The following MLLT3 variants were observed in gnomAD, a reference collection of about 807,000 sequenced individuals.
MLLT3 encodes the protein MLLT3 super elongation complex subunit.
A neutral mutation model predicts 53.2 loss-of-function variants in MLLT3; 4 were observed. That is an observed-to-expected ratio of 0.08 (90% CI 0.04 to 0.17). MLLT3 has a LOEUF of 0.17. Among genes scored for constraint, MLLT3 ranks in the 10% least tolerant of loss-of-function variants. MLLT3 has a pLI of 1.00. For missense variants in MLLT3, 569 were observed against 684.0 expected (o/e 0.83, Z 1.87); for synonymous variants, 283 against 230.6 (o/e 1.23, Z -2.06).
In MLLT3 at chr9:20,516,006, A is replaced by AT. The variant is rs1346914078; in HGVS notation, c.194-59221dup. On this transcript the variant is annotated intron_variant, in intron 2 of 10. Coordinates refer to ENST00000380338, the MANE Select transcript of MLLT3 (RefSeq NM_004529.4). ...ATGTTATATTGTGTGCCATGGGAGC[A>AT]TAACACCTAATGACAAAAAAATAAA... 2.0e-5 allele frequency among the ~76,000 whole-genome samples: 3 copies of AT among 152,368 alleles called. No individual in the cohort carries two copies. In the East Asian group the frequency reaches 5.8e-4, roughly 29 times the overall value.
rs1256049432 is a variant in MLLT3 at position 20,346,005 on chromosome 9, C to T, written c.*438G>A. The T allele has an allele frequency of 4.2e-6, 1 of 235,480 alleles. No homozygotes were observed. Among genetic ancestry groups the T allele is most frequent in the Non-Finnish European group, 8.4e-6 (1 of 119,060 alleles). The allele number at this position is 235,480 out of a possible 1,614,324, so 14.6% of individuals were successfully genotyped here. ...ATAATGTCTGATGGTGTCATTCCCT[C>T]AACGACTTAGAATATCTGTATGCGA... On this transcript the variant is annotated 3_prime_UTR_variant, in exon 11 of 11. Coordinates refer to ENST00000380338, the MANE Select transcript of MLLT3 (RefSeq NM_004529.4).
chr9:20,525,927 C>A (rs1460128460), intron 2 of MLLT3, among the ~76,000 whole-genome samples: 1 of 151,880 alleles, frequency 6.6e-6, no homozygotes, highest in African/African-American at 2.4e-5. Flanking sequence ...GTACTGAGAC[C>A]AAAAAAGCAA....
intron 9 of MLLT3, among the ~76,000 whole-genome samples, chr9:20,354,060 G>A (rs1821103065): frequency 6.6e-6 from 1 of 152,128 alleles, no homozygotes; most frequent in Non-Finnish European, 1.5e-5. Flanking sequence ...GGGGAATTTT[G>A]TGGGGTTTTT....
Position 20,622,434 on chromosome 9 carries a change from A to T in MLLT3, c.-178T>A. 1.7e-6 allele frequency: 1 copy of T among 583,504 alleles called. No individual in the cohort carries two copies. The highest frequency in any genetic ancestry group is 3.2e-5 in the East Asian group (1 of 31,038). The allele number at this position is 583,504 out of a possible 1,614,324, so 36.1% of individuals were successfully genotyped here. ...CGCTCGCTTGCTCGCTCGCTCGCTT[A>T]TTAAACTCAGCCCCAAAAGCAAAAG... On this transcript the variant is annotated 5_prime_UTR_variant, in exon 1 of 11. Transcript: ENST00000380338.
At chr9:20,566,022 A>T (rs1409928383) in intron 2 of MLLT3, among the ~76,000 whole-genome samples, 2 of 126,714 alleles carry the variant, frequency 1.6e-5, no homozygotes, top group Non-Finnish European at 3.3e-5. Flanking sequence ...TTTTATATAT[A>T]TTTATTTATA....
chr9:20,524,942 CCT>C (rs1301461540), intron 2 of MLLT3, among the ~76,000 whole-genome samples: 2 of 151,878 alleles, frequency 1.3e-5, no homozygotes, highest in African/African-American at 4.8e-5. Flanking sequence ...GAGCAGGAAC[CCT>C]GTCAGGCTAC....
chr9:20,465,586 A>G (rs1415360591), intron 2 of MLLT3, among the ~76,000 whole-genome samples: 2 of 152,200 alleles, frequency 1.3e-5, no homozygotes, highest in Non-Finnish European at 2.9e-5. Flanking sequence ...TTTAAAAAAT[A>G]GCCTAGGAGA....
rs961566591 is a variant in MLLT3 at position 20,345,241 on chromosome 9, T to C, written c.*1202A>G. ...ACTAAACAGGTATTGAACCACTGAATCTACAAGTTAATACATAATCTGTTA... is the reference window on the plus strand; with the variant it reads ...ACTAAACAGGTATTGAACCACTGAACCTACAAGTTAATACATAATCTGTTA... On this transcript the variant is annotated 3_prime_UTR_variant, in exon 11 of 11. Transcript: ENST00000380338. 1 of 221,398 alleles carries C rather than the reference T, an allele frequency of 4.5e-6. No homozygotes were observed. Among genetic ancestry groups the C allele is most frequent in the East Asian group, 6.6e-5 (1 of 15,238 alleles). 13.7% of individuals were successfully genotyped at this position (221,398 alleles called of 1,614,324 possible). A position where few individuals can be genotyped will look rare whatever the true frequency, so the allele number is the denominator to read the frequency against.
chr9:20,600,727 C>T (rs1820399674), intron 2 of MLLT3, among the ~76,000 whole-genome samples: 1 of 152,180 alleles, frequency 6.6e-6, no homozygotes, highest in African/African-American at 2.4e-5. Flanking sequence ...ACTGCCTGAA[C>T]ACCCAATTAT....
intron 2 of MLLT3, among the ~76,000 whole-genome samples, chr9:20,470,046 A>G (rs1374891031): frequency 6.6e-6 from 1 of 152,002 alleles, no homozygotes; most frequent in East Asian, 1.9e-4. Context: ...AAAGAAAAGA[A>G]ATTTTATGAA....
intron 2 of MLLT3, among the ~76,000 whole-genome samples, chr9:20,474,087 G>C (rs1252379904): frequency 6.6e-6 from 1 of 152,068 alleles, no homozygotes; most frequent in African/African-American, 2.4e-5. Context: ...TGATTTCCAA[G>C]TGTCGGCTGG....
chr9:20,608,630 A>G (rs954052561), intron 2 of MLLT3, among the ~76,000 whole-genome samples: 1 of 152,018 alleles, frequency 6.6e-6, no homozygotes, highest in Non-Finnish European at 1.5e-5. Flanking sequence ...ACATTAAAGG[A>G]AAAGACTCAA....
chr9:20,622,163 T>C lies in MLLT3; in HGVS notation c.12+82A>G, dbSNP rs543086247. 8.4e-6 allele frequency: 12 copies of C among 1,429,610 alleles called. No individual in the cohort carries two copies. In the East Asian group the frequency reaches 2.8e-4, roughly 33 times the overall value. 88.6% of individuals were successfully genotyped at this position (1,429,610 alleles called of 1,614,324 possible). ...TTCTCTAATTGGAACCGCGGAGCGC[T>C]GGCGCTGTCTGGGCTGCGGCGGCGC... On this transcript the variant is annotated intron_variant, in intron 1 of 10. Transcript: ENST00000380338.
intron 2 of MLLT3, among the ~76,000 whole-genome samples, chr9:20,553,438 A>AG (rs2119031104): frequency 6.6e-6 from 1 of 152,278 alleles, no homozygotes; most frequent in South Asian, 2.1e-4. Flanking sequence ...AGGACATGAG[A>AG]GAAAAAAAAT....
In MLLT3 at chr9:20,346,394, C is replaced by CAAA; in HGVS notation, c.*48_*49insTTT. On this transcript the variant is annotated 3_prime_UTR_variant, in exon 11 of 11. Coordinates refer to ENST00000380338, the MANE Select transcript of MLLT3 (RefSeq NM_004529.4). The stretch of plus-strand genomic sequence containing the variant: ...AAATCACAACCAAAAAAAAAAAAAA[C>CAAA]CAAAAAAAAAAAACACAATAGTTCT... The CAAA allele has an allele frequency of 8.3e-7, 1 of 1,208,542 alleles. No individual in the cohort carries two copies. The highest frequency in any genetic ancestry group is 1.1e-6 in the Non-Finnish European group (1 of 924,888). The allele number at this position is 1,208,542 out of a possible 1,614,324, so 74.9% of individuals were successfully genotyped here. A position where few individuals can be genotyped will look rare whatever the true frequency, so the allele number is the denominator to read the frequency against.
At chr9:20,489,675 A>G (rs1288813795) in intron 2 of MLLT3, among the ~76,000 whole-genome samples, 3 of 152,210 alleles carry the variant, frequency 2.0e-5, no homozygotes, top group Non-Finnish European at 4.4e-5. Flanking sequence ...AAGAGTACCT[A>G]AAATTCCAAC....
intron 2 of MLLT3, among the ~76,000 whole-genome samples, chr9:20,586,053 C>G (rs955819743): frequency 6.6e-6 from 1 of 152,112 alleles, no homozygotes; most frequent in Non-Finnish European, 1.5e-5. Context: ...AACAATCACT[C>G]ACATCTGTAA....
At chr9:20,366,236 C>A (rs551863043) in intron 5 of MLLT3, among the ~76,000 whole-genome samples, 1 of 152,216 alleles carries the variant, frequency 6.6e-6, no homozygotes, top group Non-Finnish European at 1.5e-5. Context: ...GTGTTATGTT[C>A]CCCTCCCTGT....
chr9:20,425,635 C>T (rs983312663), intron 4 of MLLT3, among the ~76,000 whole-genome samples: 1 of 151,998 alleles, frequency 6.6e-6, no homozygotes, highest in South Asian at 2.1e-4. Flanking sequence ...TTACTGTTTT[C>T]GAGCAAACTA....
Sources: allele counts gnomAD v4.1 joint callset (sites outside exome capture counted in the v4.1 genomes callset), GRCh38; gene constraint gnomAD v4.1.1; transcripts MANE v1.5; gene names NCBI Gene and HGNC (gene_info 2026-07-23, HGNC 2026-07-21).